The following CLYBL variants were observed in gnomAD, a reference collection of about 807,000 sequenced individuals.
The protein encoded by CLYBL is citramalyl-CoA lyase.
CLYBL carries 31 observed loss-of-function variants against 38.9 expected under a neutral mutation model. That is an observed-to-expected ratio of 0.80 (90% CI 0.60 to 1.08). The LOEUF is 1.08. Ranked by LOEUF, CLYBL falls within the 50% of genes least tolerant of loss-of-function variation. The pLI, the probability that CLYBL is intolerant of heterozygous loss-of-function variation, is 0.00. For synonymous variants in CLYBL, 171 were observed against 158.6 expected, an observed-to-expected ratio of 1.08 and a Z score of -0.59; for missense variants, 434 against 411.6, an observed-to-expected ratio of 1.05 and a Z score of -0.47.
chr13:99,757,603 C>T (rs116310743), intron 1 of CLYBL, among the ~76,000 whole-genome samples: 2,684 of 152,220 alleles, frequency 0.018, 87 homozygotes, highest in African/African-American at 0.06. Flanking sequence ...TTACAGGCAC[C>T]GGCCACACTA....
intron 1 of CLYBL, among the ~76,000 whole-genome samples, chr13:99,697,273 G>A (rs1017398792): frequency 9.9e-5 from 15 of 152,146 alleles, no homozygotes; most frequent in African/African-American, 3.1e-4. Flanking sequence ...GCAAGGATCC[G>A]CCCATAGTTT....
chr13:99,843,602 A>T (rs1448151742), intron 2 of CLYBL, among the ~76,000 whole-genome samples: 3 of 73,550 alleles, frequency 4.1e-5, no homozygotes, highest in African/African-American at 9.8e-5. Context: ...GGAAAAATTA[A>T]TCTTTTTTTT....
intron 1 of CLYBL, among the ~76,000 whole-genome samples, chr13:99,748,937 G>T (rs903615148): frequency 6.6e-6 from 1 of 152,118 alleles, no homozygotes; most frequent in Non-Finnish European, 1.5e-5. Flanking sequence ...CCAACACTTT[G>T]GGAGGCCAAG....
Position 99,772,822 on chromosome 13 carries a change from A to C in CLYBL, c.63-2A>C. The C allele has an allele frequency of 1.3e-6, 2 of 1,585,504 alleles. No homozygotes were observed. The highest frequency in any genetic ancestry group is 1.7e-6 in the Non-Finnish European group (2 of 1,172,082). ...GACTAACCCCAATCACGTGTCTTGC[A>C]GGAAAGCGTCTCTAGCAGCTGATAT... On this transcript the variant is annotated splice_acceptor_variant, in intron 1 of 8. Coordinates refer to ENST00000339105, the MANE Select transcript of CLYBL (RefSeq NM_206808.5). LOFTEE classifies it high-confidence loss of function.
At chr13:99,860,319 C>G (rs915471748) in intron 3 of CLYBL, among the ~76,000 whole-genome samples, 2 of 152,108 alleles carry the variant, frequency 1.3e-5, no homozygotes, top group African/African-American at 4.8e-5. Flanking sequence ...CTCAATGTAG[C>G]TACGAGATAA....
intron 1 of CLYBL, among the ~76,000 whole-genome samples, chr13:99,692,200 C>A (rs1303481608): frequency 6.6e-6 from 1 of 152,122 alleles, no homozygotes; most frequent in African/African-American, 2.4e-5. Flanking sequence ...ACAATTACTC[C>A]CCACACTGAC....
downstream of CLYBL, among the ~76,000 whole-genome samples, chr13:99,899,255 C>T (rs7331251): frequency 0.19 from 29,485 of 152,112 alleles, 3,058 homozygotes; most frequent in East Asian, 0.31. Flanking sequence ...TCCAGGGCCC[C>T]CCACCATTTT....
At chr13:99,746,050 AT>A (rs2048845575) in intron 1 of CLYBL, among the ~76,000 whole-genome samples, 2 of 151,532 alleles carry the variant, frequency 1.3e-5, no homozygotes, top group African/African-American at 4.8e-5. Flanking sequence ...TTTTTTTCAG[AT>A]GTGGGAAGAA....
chr13:99,870,672 AAG>A, intron 6 of CLYBL, among the ~76,000 whole-genome samples: 1 of 152,314 alleles, frequency 6.6e-6, no homozygotes, highest in Non-Finnish European at 1.5e-5. Context: ...AACTAAAAAT[AAG>A]AGATTATCTG....
rs544682443 is a variant in CLYBL, at chr13:99,811,899, C to G, written c.249+38889C>G. ...CTTGACAAGTTTCAGGAAAAACCACCCTTCTTATTGATAAAGCAATACCAG... is the reference window on the plus strand; with the variant it reads ...CTTGACAAGTTTCAGGAAAAACCACGCTTCTTATTGATAAAGCAATACCAG... On this transcript the variant is annotated intron_variant, in intron 2 of 8. Coordinates refer to ENST00000339105, the MANE Select transcript of CLYBL (RefSeq NM_206808.5). 2.1e-3 allele frequency among the ~76,000 whole-genome samples: 313 copies of G among 152,218 alleles called. 2 individuals carry two copies. The highest frequency in any genetic ancestry group is 4.1e-3 in the Non-Finnish European group (276 of 68,028).
chr13:99,684,367 G>A (rs1594118565), intron 1 of CLYBL, among the ~76,000 whole-genome samples: 1 of 151,886 alleles, frequency 6.6e-6, no homozygotes, highest in Non-Finnish European at 1.5e-5. Context: ...TTTAGCCACC[G>A]GGCCCGGCCC....
intron 7 of CLYBL, among the ~76,000 whole-genome samples, chr13:99,874,421 A>G (rs1398587075): frequency 6.6e-6 from 1 of 152,198 alleles, no homozygotes; most frequent in Non-Finnish European, 1.5e-5. Flanking sequence ...GATTTTCTTA[A>G]AAGTTAATTC....
chr13:99,902,119 T>C (rs1227728106), downstream of CLYBL, among the ~76,000 whole-genome samples: 1 of 152,240 alleles, frequency 6.6e-6, no homozygotes, highest in Non-Finnish European at 1.5e-5. Flanking sequence ...TACAAACTCA[T>C]AAAGTGTACC....
intron 2 of CLYBL, among the ~76,000 whole-genome samples, chr13:99,793,246 T>G (rs1044188277): frequency 2.0e-5 from 3 of 152,290 alleles, no homozygotes; most frequent in Admixed American, 6.5e-5. Context: ...CAGGGAATGA[T>G]TAAATGTATA....
At chr13:99,876,441 A>C (rs868776755) in intron 7 of CLYBL, among the ~76,000 whole-genome samples, 1 of 146,584 alleles carries the variant, frequency 6.8e-6, no homozygotes, top group Non-Finnish European at 1.5e-5. Context: ...AAAAAAAAAA[A>C]GAGTGTTTTT....
At chr13:99,712,170 A>G (rs1274457571) in intron 1 of CLYBL, among the ~76,000 whole-genome samples, 1 of 152,166 alleles carries the variant, frequency 6.6e-6, no homozygotes, top group Non-Finnish European at 1.5e-5. Flanking sequence ...ACTTTCTGCT[A>G]TGGAAGTTGA....
chr13:99,753,880 G>C (rs968648622), intron 1 of CLYBL, among the ~76,000 whole-genome samples: 4 of 151,860 alleles, frequency 2.6e-5, no homozygotes, highest in Admixed American at 2.0e-4. Flanking sequence ...CCTGAGGTCA[G>C]GAGTTCGAGA....
chr13:99,886,860 A>G (rs575201579), intron 7 of CLYBL, among the ~76,000 whole-genome samples: 2 of 152,244 alleles, frequency 1.3e-5, no homozygotes, highest in Admixed American at 1.3e-4. Flanking sequence ...AGCAAATGGT[A>G]AGCTCCCAGA....
chr13:99,775,527 A>T (rs932469076), intron 2 of CLYBL, among the ~76,000 whole-genome samples: 10 of 152,028 alleles, frequency 6.6e-5, no homozygotes, highest in African/African-American at 1.9e-4. Flanking sequence ...CATTAAAAAA[A>T]TTTTTTTTGG....
Sources: allele counts gnomAD v4.1 joint callset (sites outside exome capture counted in the v4.1 genomes callset), GRCh38; gene constraint gnomAD v4.1.1; transcripts MANE v1.5; gene names NCBI Gene and HGNC (gene_info 2026-07-23, HGNC 2026-07-21).